Variants in UBQLN4 observed in about 807,000 individuals in gnomAD.
The protein encoded by UBQLN4 is ubiquilin 4, also known as ubiquilin-4.
Under a neutral mutation model 60.4 loss-of-function variants are expected in UBQLN4, and 11 were observed. The observed-to-expected ratio is 0.18, with a 90% CI of 0.11 to 0.30. The LOEUF (loss-of-function observed/expected upper bound fraction) is 0.30. UBQLN4 is among the 10% of genes least tolerant of loss of function. The probability of loss-of-function intolerance (pLI) is 1.00; values close to 1 mark genes in which losing one functional copy is unlikely to be tolerated. For missense variants in UBQLN4, 417 were observed against 795.5 expected, an observed-to-expected ratio of 0.52 and a Z score of 5.72; for synonymous variants, 258 against 313.1, an observed-to-expected ratio of 0.82 and a Z score of 1.86.
chr1:156,039,034 C>T (rs552722007), intron 10 of UBQLN4, among the ~76,000 whole-genome samples: 2 of 152,256 alleles, frequency 1.3e-5, no homozygotes, highest in South Asian at 2.1e-4. Context: ...TCAAGTGATA[C>T]ACCCGCCTTG....
chr1:156,047,756 G>A (rs928478765), intron 5 of UBQLN4, among the ~76,000 whole-genome samples: 11 of 151,056 alleles, frequency 7.3e-5, no homozygotes, highest in South Asian at 2.1e-4. Context: ...TTAGCCGGGC[G>A]TGGTGGCATG....
Position 156,036,460 on chromosome 1 carries a change from G to A in UBQLN4, c.*518C>T, listed in dbSNP as rs1403114018. ...TGCTGAATGAACCAGAATAGGGGCC[G>A]AGAAGGAAAATTACCACCTGTTTCA... On this transcript the variant is annotated 3_prime_UTR_variant, in exon 11 of 11. Coordinates refer to ENST00000368309, the MANE Select transcript of UBQLN4 (RefSeq NM_020131.5). 15 of 986,236 alleles carry A rather than the reference G, an allele frequency of 1.5e-5. No individual in the cohort carries two copies. The highest frequency in any genetic ancestry group is 1.7e-5 in the African/African-American group (1 of 57,226). 61.1% of individuals were successfully genotyped at this position (986,236 alleles called of 1,614,324 possible).
intron 1 of UBQLN4, among the ~76,000 whole-genome samples, chr1:156,052,872 C>T (rs189228483): frequency 2.8e-4 from 42 of 152,292 alleles, no homozygotes; most frequent in African/African-American, 9.6e-4. Context: ...CTACCAGCCC[C>T]TCCAAAACAC....
At chr1:156,051,037 T>C in intron 3 of UBQLN4, 73 bp downstream of exon 3, 1 of 1,451,476 alleles carries the variant, frequency 6.9e-7, no homozygotes, top group Non-Finnish European at 9.5e-7. Context: ...GGAACTCCTG[T>C]TTCTCCCTCC....
chr1:156,042,650 A>G, intron 7 of UBQLN4, 124 bp downstream of exon 7: 3 of 1,406,930 alleles, frequency 2.1e-6, no homozygotes, highest in Non-Finnish European at 2.9e-6. Flanking sequence ...CACAGCTGGG[A>G]AGCAGCAGAG....
At position 156,042,035 on chromosome 1, in the gene UBQLN4, G is replaced by T. The variant is rs759445966; in HGVS notation, c.1351-48C>A. Reference sequence around the variant, plus strand: ...AGGCATCAAGAGGTGGCAGGAAAGAGGAGACAACCTCAACTAGGAGTCCAG... The same window carrying T: ...AGGCATCAAGAGGTGGCAGGAAAGATGAGACAACCTCAACTAGGAGTCCAG... On this transcript the variant is annotated intron_variant, in intron 8 of 10. Coordinates refer to ENST00000368309, the MANE Select transcript of UBQLN4 (RefSeq NM_020131.5). 4.3e-6 allele frequency: 7 copies of T among 1,612,730 alleles called. No individual in the cohort carries two copies. In the Admixed American group the frequency reaches 8.3e-5, roughly 19 times the overall value.
intron 3 of UBQLN4, 76 bp downstream of exon 3, chr1:156,051,034 C>A: frequency 7.0e-7 from 1 of 1,428,430 alleles, no homozygotes; most frequent in Non-Finnish European, 9.7e-7. Context: ...GCAGGAACTC[C>A]TGTTTCTCCC....
In UBQLN4 at chr1:156,035,749, T is replaced by C. The variant is rs1379140593; in HGVS notation, c.*1229A>G. The C allele has an allele frequency of 1.0e-6, 1 of 985,384 alleles. No individual in the cohort carries two copies. The highest frequency in any genetic ancestry group is 1.2e-6 in the Non-Finnish European group (1 of 829,964). The allele number at this position is 985,384 out of a possible 1,614,324, so 61.0% of individuals were successfully genotyped here. A position where few individuals can be genotyped will look rare whatever the true frequency, so the allele number is the denominator to read the frequency against. On this transcript the variant is annotated 3_prime_UTR_variant, in exon 11 of 11. Transcript: ENST00000368309. Reference sequence around the variant, plus strand: ...AAGGGTACCCACATTACCTCTGGGTTACCCAGCATCCAGAGCCCCAAGGGA... The same window carrying C: ...AAGGGTACCCACATTACCTCTGGGTCACCCAGCATCCAGAGCCCCAAGGGA...
chr1:156,033,873 AAAAC>A (rs1324705488), downstream of UBQLN4, among the ~76,000 whole-genome samples: 1 of 151,802 alleles, frequency 6.6e-6, no homozygotes, highest in Admixed American at 6.6e-5. Context: ...AAAAAAAACA[AAAAC>A]AAAACAAAAA....
rs1683703952 is a variant in UBQLN4, at chr1:156,046,464, C to T, written c.900+2037G>A. Among the ~76,000 whole-genome samples, 3 of 151,280 alleles carry T rather than the reference C, an allele frequency of 2.0e-5. No homozygotes were observed. The South Asian group carries it at 6.3e-4, about 32-fold the overall frequency. ...AGTGAGCTGAGATCACGCCATTGCA[C>T]TCCAGCCTGGGCAACGAGTGAAACT... On this transcript the variant is annotated intron_variant, in intron 5 of 10. Coordinates refer to ENST00000368309, the MANE Select transcript of UBQLN4 (RefSeq NM_020131.5).
At chr1:156,043,801 G>C (rs1683629361) in intron 6 of UBQLN4, among the ~76,000 whole-genome samples, 197 bp downstream of exon 6, 1 of 152,034 alleles carries the variant, frequency 6.6e-6, no homozygotes, top group Admixed American at 6.6e-5. Context: ...TATTACTTAG[G>C]TCACTCCTAG....
intron 10 of UBQLN4, among the ~76,000 whole-genome samples, chr1:156,037,789 C>A (rs1486141288): frequency 6.6e-6 from 1 of 152,202 alleles, no homozygotes; most frequent in Non-Finnish European, 1.5e-5. Context: ...GCATACTAAG[C>A]ATGACCTCCA....
chr1:156,053,412 C>G (rs1683935780), intron 1 of UBQLN4, among the ~76,000 whole-genome samples, 182 bp downstream of exon 1: 1 of 152,022 alleles, frequency 6.6e-6, no homozygotes, highest in African/African-American at 2.4e-5. Context: ...GCCACGCTCC[C>G]CCAGATCTCC....
Position 156,042,242 on chromosome 1 carries a change from AG to A in UBQLN4, c.1267-7del, listed in dbSNP as rs1478241115. 4 of 1,591,660 alleles carry A rather than the reference AG, an allele frequency of 2.5e-6. No individual in the cohort carries two copies. The highest frequency in any genetic ancestry group is 3.6e-5 in the Admixed American group (2 of 55,756). On this transcript the variant is annotated splice_polypyrimidine_tract_variant and splice_region_variant and intron_variant, in intron 7 of 10. Coordinates refer to ENST00000368309, the MANE Select transcript of UBQLN4 (RefSeq NM_020131.5). ...AGCGGCACATTCACCATCATCTGCC[AG>A]GGTGAAGGTAGCAGGGGGAGACCTG...
intron 1 of UBQLN4, among the ~76,000 whole-genome samples, chr1:156,053,020 G>T (rs144158060): frequency 3.9e-5 from 6 of 152,156 alleles, no homozygotes; most frequent in African/African-American, 1.4e-4. Context: ...GCGGCCACAG[G>T]GGGTGGCGAA....
downstream of UBQLN4, among the ~76,000 whole-genome samples, chr1:156,033,608 C>T (rs373900605): frequency 3.6e-3 from 542 of 152,118 alleles, 2 homozygotes; most frequent in African/African-American, 0.013. Context: ...TTTGGGAGGC[C>T]GAGGCTGTCA....
chr1:156,036,667 C>G lies in UBQLN4; in HGVS notation c.*311G>C, dbSNP rs1280517998. On this transcript the variant is annotated 3_prime_UTR_variant, in exon 11 of 11. Transcript: ENST00000368309. The stretch of plus-strand genomic sequence containing the variant: ...TTCCTCCCTCGACTCTGCACAGCCA[C>G]TGAAAGTTTAAAGATTGCAAAAGTG... The G allele has an allele frequency of 9.1e-7, 1 of 1,094,182 alleles. No homozygotes were observed. The highest frequency in any genetic ancestry group is 1.6e-5 in the African/African-American group (1 of 61,374). 67.8% of individuals were successfully genotyped at this position (1,094,182 alleles called of 1,614,324 possible).
At chr1:156,037,366 C>T (rs1339264309) in intron 10 of UBQLN4, among the ~76,000 whole-genome samples, 13 of 152,038 alleles carry the variant, frequency 8.6e-5, no homozygotes, top group African/African-American at 1.2e-4. Flanking sequence ...GAGGCTGAGG[C>T]GGGCGGATCA....
At chr1:156,043,019 T>G in intron 6 of UBQLN4, 106 bp from the exon 7 acceptor site, 3 of 1,441,202 alleles carry the variant, frequency 2.1e-6, no homozygotes, top group Non-Finnish European at 1.9e-6. Flanking sequence ...ACTACAAAAC[T>G]CAGAAAAGCA....
Sources: gnomAD v4.1 joint callset for allele counts (sites outside exome capture counted in the v4.1 genomes callset) on GRCh38, gnomAD v4.1.1 for gene constraint, MANE v1.5 for transcripts, NCBI Gene and HGNC (gene_info 2026-07-23, HGNC 2026-07-21) for gene names.